Variants in FHIT observed in about 807,000 individuals in gnomAD.
FHIT encodes bis(5'-adenosyl)-triphosphatase.
A neutral mutation model predicts 17.9 loss-of-function variants in FHIT; 19 were observed. The observed-to-expected ratio is 1.06, with a 90% CI of 0.74 to 1.56. The LOEUF (loss-of-function observed/expected upper bound fraction) is 1.56. Among genes scored for constraint, FHIT ranks in the 40% most tolerant of loss-of-function variants. The pLI, the probability that FHIT is intolerant of heterozygous loss-of-function variation, is 0.00. For synonymous variants in FHIT, 81 were observed against 69.7 expected, an observed-to-expected ratio of 1.16 and a Z score of -0.81; for missense variants, 248 against 189.2, an observed-to-expected ratio of 1.31 and a Z score of -1.82.
chr3:61,239,345 C>A (rs1237080886), intron 1 of FHIT, among the ~76,000 whole-genome samples: 1 of 152,160 alleles, frequency 6.6e-6, no homozygotes, highest in Admixed American at 6.5e-5. Context: ...GCCACAGGGG[C>A]CTTCTTTTCT....
chr3:59,959,740 G>C (rs371543338), intron 7 of FHIT, among the ~76,000 whole-genome samples: 9 of 152,162 alleles, frequency 5.9e-5, no homozygotes, highest in Admixed American at 5.9e-4. Flanking sequence ...ACATCAATCA[G>C]TGACATTACT....
intron 3 of FHIT, among the ~76,000 whole-genome samples, chr3:61,003,464 T>C (rs949474178): frequency 1.3e-5 from 2 of 152,240 alleles, no homozygotes. Flanking sequence ...GATGAAAGCT[T>C]TCATTTAAAG....
At chr3:60,075,887 T>A (rs1376922261) in intron 5 of FHIT, among the ~76,000 whole-genome samples, 2 of 152,170 alleles carry the variant, frequency 1.3e-5, no homozygotes, top group African/African-American at 4.8e-5. Context: ...TGTCCCTTTT[T>A]GATCTTAAGA....
intron 3 of FHIT, among the ~76,000 whole-genome samples, chr3:60,839,813 A>T (rs1702658863): frequency 6.6e-6 from 1 of 152,212 alleles, no homozygotes; most frequent in African/African-American, 2.4e-5. Flanking sequence ...GCATTTACAT[A>T]ACTGCTATCG....
At chr3:60,347,766 A>AT (rs796942465) in intron 5 of FHIT, among the ~76,000 whole-genome samples, 69 of 128,030 alleles carry the variant, frequency 5.4e-4, no homozygotes, top group African/African-American at 1.3e-3. Context: ...CTATCTTTTC[A>AT]TTTTTTTTTG....
At chr3:60,764,234 T>G (rs1425539491) in intron 4 of FHIT, among the ~76,000 whole-genome samples, 1 of 147,112 alleles carries the variant, frequency 6.8e-6, no homozygotes, top group Non-Finnish European at 1.5e-5. Flanking sequence ...CTGTCCTATC[T>G]GGGTAGGAAA....
At chr3:60,486,220 A>C (rs960364516) in intron 5 of FHIT, among the ~76,000 whole-genome samples, 4 of 152,164 alleles carry the variant, frequency 2.6e-5, no homozygotes, top group Non-Finnish European at 5.9e-5. Flanking sequence ...ACAATAATAG[A>C]AAACAGGTAA....
intron 2 of FHIT, among the ~76,000 whole-genome samples, chr3:61,102,458 G>A (rs2035861949): frequency 6.6e-6 from 1 of 152,202 alleles, no homozygotes; most frequent in Admixed American, 6.5e-5. Context: ...TGGTTTGCCA[G>A]TATTTTATTG....
intron 4 of FHIT, among the ~76,000 whole-genome samples, chr3:60,571,166 T>G (rs535567336): frequency 2.1e-3 from 319 of 151,090 alleles, no homozygotes; most frequent in Middle Eastern, 3.4e-3. Context: ...CATCTCCCCG[T>G]CTCTACTAAA....
At chr3:60,434,441 G>C (rs999458686) in intron 5 of FHIT, among the ~76,000 whole-genome samples, 1 of 151,930 alleles carries the variant, frequency 6.6e-6, no homozygotes, top group African/African-American at 2.4e-5. Flanking sequence ...GTGAGATGAG[G>C]GATGGCAGGG....
chr3:60,593,110 A>G (rs1164734250), intron 4 of FHIT, among the ~76,000 whole-genome samples: 1 of 152,134 alleles, frequency 6.6e-6, no homozygotes, highest in Non-Finnish European at 1.5e-5. Flanking sequence ...GCTTTCATTC[A>G]GTGGGCAGAG....
intron 2 of FHIT, among the ~76,000 whole-genome samples, chr3:61,164,208 C>T (rs901009152): frequency 3.3e-5 from 5 of 152,180 alleles, no homozygotes; most frequent in Non-Finnish European, 7.3e-5. Context: ...AAAGTCCTCT[C>T]ATCTTCTCCA....
At chr3:59,859,357 G>T (rs752615769) in intron 8 of FHIT, among the ~76,000 whole-genome samples, 5 of 152,142 alleles carry the variant, frequency 3.3e-5, no homozygotes, top group African/African-American at 4.8e-5. Context: ...CAGAGAAAGA[G>T]TCATCCTACA....
At chr3:59,920,514 A>G (rs1705350423) in intron 8 of FHIT, among the ~76,000 whole-genome samples, 1 of 152,354 alleles carries the variant, frequency 6.6e-6, no homozygotes, top group Non-Finnish European at 1.5e-5. Flanking sequence ...ACAGCACTGT[A>G]CATTGTGTCT....
intron 8 of FHIT, among the ~76,000 whole-genome samples, chr3:59,791,662 T>A (rs1374913205): frequency 6.6e-6 from 1 of 152,146 alleles, no homozygotes; most frequent in Non-Finnish European, 1.5e-5. Context: ...GGTGATTCAT[T>A]TCTGTATTCC....
At chr3:60,940,481 G>T (rs1553774223) in intron 3 of FHIT, among the ~76,000 whole-genome samples, 1 of 151,998 alleles carries the variant, frequency 6.6e-6, no homozygotes, top group Non-Finnish European at 1.5e-5. Flanking sequence ...CCTCCAACTG[G>T]ATTTTTTAAA....
At chr3:59,928,486 C>T (rs1303517408) in intron 7 of FHIT, among the ~76,000 whole-genome samples, 1 of 152,184 alleles carries the variant, frequency 6.6e-6, no homozygotes, top group Non-Finnish European at 1.5e-5. Flanking sequence ...ATTTGCAAAT[C>T]ACCTATCTGA....
At chr3:59,977,727 C>T (rs920819321) in intron 7 of FHIT, among the ~76,000 whole-genome samples, 20 of 152,068 alleles carry the variant, frequency 1.3e-4, no homozygotes, top group African/African-American at 4.3e-4. Flanking sequence ...TCTCTCATGC[C>T]AGGATTGAAT....
chr3:60,291,657 G>A (rs7611775), intron 5 of FHIT, among the ~76,000 whole-genome samples: 3,316 of 152,240 alleles, frequency 0.022, 118 homozygotes, highest in African/African-American at 0.074. Context: ...AAATTCTGCT[G>A]AGAACTCTTT....
Sources: gnomAD v4.1 joint callset for allele counts (sites outside exome capture counted in the v4.1 genomes callset) on GRCh38, gnomAD v4.1.1 for gene constraint, MANE v1.5 for transcripts, NCBI Gene and HGNC (gene_info 2026-07-23, HGNC 2026-07-21) for gene names.